The following FLII variants were observed in gnomAD, a reference collection of about 807,000 sequenced individuals.
FLII encodes FLII actin remodeling protein, also known as protein flightless-1 homolog.
In FLII, 101 loss-of-function variants were observed where a neutral mutation model predicts 156.2. The ratio of observed to expected loss-of-function variants is 0.65; its 90% CI spans 0.55 to 0.76. The LOEUF (loss-of-function observed/expected upper bound fraction) is 0.76. Ranked by LOEUF, FLII falls within the 30% of genes least tolerant of loss-of-function variation. The probability of loss-of-function intolerance (pLI) is 0.00; values close to 1 mark genes in which losing one functional copy is unlikely to be tolerated. For synonymous variants in FLII, 767 were observed against 685.8 expected, an observed-to-expected ratio of 1.12 and a Z score of -1.85; for missense variants, 1,675 against 1,682.8, an observed-to-expected ratio of 1.00 and a Z score of 0.08.
intron 13 of FLII, 66 bp from the exon 14 acceptor site, chr17:18,251,083 C>T: frequency 6.5e-7 from 1 of 1,532,530 alleles, no homozygotes; most frequent in Non-Finnish European, 8.8e-7. Flanking sequence ...GGAGACGCCA[C>T]TCTGAACAGC....
Position 18,245,320 on chromosome 17 carries a change from A to G in FLII, c.3675+34T>C. ...TGGGTGATGACCCTGCCCTGCCCAC[A>G]GGCCCACCTCGGCCCTCCCTCCACC... On this transcript the variant is annotated intron_variant, in intron 29 of 29. Coordinates refer to ENST00000327031, the MANE Select transcript of FLII (RefSeq NM_002018.4). 3 of 1,613,956 alleles carry G rather than the reference A, an allele frequency of 1.9e-6. 1 individual carries two copies. The highest frequency in any genetic ancestry group is 4.5e-5 in the East Asian group (2 of 44,870).
At chr17:18,249,469 C>A in intron 14 of FLII, 61 bp from the exon 15 acceptor site, 1 of 1,312,540 alleles carries the variant, frequency 7.6e-7, no homozygotes, top group Non-Finnish European at 1.1e-6. Flanking sequence ...CCAACCACTG[C>A]CCCTCAGGTG....
At position 18,258,407 on chromosome 17, in the gene FLII, G is replaced by A; in HGVS notation, c.63+221C>T. ...GCCCCCGGCGGGACTCCGAGCCCAA[G>A]CGTCCGTCCCCGGCCTGCCCAGCCT... is the stretch of plus-strand genomic sequence containing the variant. On this transcript the variant is annotated intron_variant, in intron 1 of 29. Transcript: ENST00000327031. The surrounding 1 kb of genome is among the most constrained non-coding windows in gnomAD (Gnocchi z 4.2). 2 of 1,362,762 alleles carry A rather than the reference G, an allele frequency of 1.5e-6. No individual in the cohort carries two copies. Among genetic ancestry groups the A allele is most frequent in the Non-Finnish European group, 9.9e-7 (1 of 1,013,900 alleles). The allele number at this position is 1,362,762 out of a possible 1,614,324, so 84.4% of individuals were successfully genotyped here.
intron 2 of FLII, 21 bp downstream of exon 2, chr17:18,256,888 T>A: frequency 6.5e-7 from 1 of 1,541,118 alleles, no homozygotes; most frequent in Admixed American, 1.8e-5. Flanking sequence ...GACCCTCCCC[T>A]GCCCGCCCAA....
In FLII at chr17:18,253,356, C is replaced by A; in HGVS notation, c.958G>T (p.Glu320Ter). The A allele has an allele frequency of 6.2e-7, 1 of 1,613,966 alleles. No individual in the cohort carries two copies. Among genetic ancestry groups the A allele is most frequent in the Non-Finnish European group, 8.5e-7 (1 of 1,180,034 alleles). ...PSGIGKLTNLEEFMAANNNLE... is the reference protein window; with the variant it reads ...PSGIGKLTNL ...TTGTTGTTGGCAGCCATGAACTCTTCCAGGTTGGTGAGCTTGCCAATGCCT... is the reference window on the plus strand; with the variant it reads ...TTGTTGTTGGCAGCCATGAACTCTTACAGGTTGGTGAGCTTGCCAATGCCT... Residue 320 changes from glutamate to a stop codon, truncating the protein, a stop_gained, in exon 9 of 30, where the codon GAA (glutamate) becomes TAA (stop). Coordinates refer to ENST00000327031, the MANE Select transcript of FLII (RefSeq NM_002018.4). LOFTEE classifies it high-confidence loss of function.
Position 18,246,642 on chromosome 17 carries a change from G to A in FLII, c.3003C>T (p.Thr1001=). The change falls in exon 23 of 30, where the codon ACC becomes ACT. Residue 1001 remains threonine (T), a synonymous_variant. Coordinates refer to ENST00000327031, the MANE Select transcript of FLII (RefSeq NM_002018.4). The part of the protein sequence containing the change: ...EASNMGWLTF[T]FSLQKKFESL... Reference sequence around the variant, plus strand: ...TCTCGAACTTCTTTTGCAGGCTGAAGGTGAAGGTGAGCCAGCCCATATTGG... The same window carrying A: ...TCTCGAACTTCTTTTGCAGGCTGAAAGTGAAGGTGAGCCAGCCCATATTGG... 6.2e-7 allele frequency: 1 copy of A among 1,613,982 alleles called. No homozygotes were observed. Among genetic ancestry groups the A allele is most frequent in the Non-Finnish European group, 8.5e-7 (1 of 1,179,930 alleles).
chr17:18,252,852 T>C (rs1000845436), intron 9 of FLII, among the ~76,000 whole-genome samples: 3 of 152,134 alleles, frequency 2.0e-5, no homozygotes, highest in Admixed American at 6.5e-5. Context: ...GGGACTGTGG[T>C]CTTCATCCAC....
At chr17:18,251,895 C>A in intron 11 of FLII, 79 bp from the exon 12 acceptor site, 1 of 1,606,712 alleles carries the variant, frequency 6.2e-7, no homozygotes, top group Non-Finnish European at 8.5e-7. Flanking sequence ...GGGCCAACTC[C>A]ACCCACCAGG....
intron 1 of FLII, chr17:18,257,367 C>G: frequency 7.9e-6 from 2 of 252,652 alleles, no homozygotes; most frequent in Non-Finnish European, 1.5e-5. Flanking sequence ...GACTGGCTGC[C>G]TGGGGTGGGG....
intron 20 of FLII, 126 bp downstream of exon 20, chr17:18,247,531 G>A: frequency 9.2e-7 from 1 of 1,081,618 alleles, no homozygotes; most frequent in Non-Finnish European, 1.3e-6. Context: ...GCGGGGCCTG[G>A]GCAGAGTCAG....
intron 2 of FLII, 138 bp downstream of exon 2, chr17:18,256,771 G>T: frequency 1.3e-6 from 1 of 775,576 alleles, no homozygotes; most frequent in Non-Finnish European, 2.1e-6. Context: ...CCTGGACAGG[G>T]TGCCCACTCC....
chr17:18,247,601 G>C (rs956978151), intron 20 of FLII, 56 bp downstream of exon 20: 7 of 1,451,472 alleles, frequency 4.8e-6, no homozygotes, highest in Non-Finnish European at 6.4e-6. Context: ...ACAGGGGTCA[G>C]GGCATGTCAG....
chr17:18,259,010 A>G (rs985415656), upstream of FLII: 1 of 186,930 alleles, frequency 5.3e-6, no homozygotes, highest in East Asian at 1.4e-4. Flanking sequence ...GCGCTGCTGC[A>G]GCACATGAAG....
chr17:18,246,934 T>C lies in FLII; in HGVS notation c.2795A>G (p.Asp932Gly). 6.2e-7 allele frequency: 1 copy of C among 1,614,190 alleles called. No homozygotes were observed. Reference protein sequence around the residue: ...EEEFGHFYTQDCYVFLCRYWV... With the variant: ...EEEFGHFYTQGCYVFLCRYWV... Reference sequence around the variant, plus strand: ...GTACCTGCAGAGGAAGACGTAGCAGTCCTGCGTGTAGAAGTGGCCAAACTC... The same window carrying C: ...GTACCTGCAGAGGAAGACGTAGCAGCCCTGCGTGTAGAAGTGGCCAAACTC... Residue 932 changes from aspartate to glycine, a missense_variant, in exon 22 of 30, where the codon GAC becomes GGC. Around this residue, in one of 2 missense-constraint regions of FLII, gnomAD observed 1,332 missense variants for 1,269.3 expected, o/e 1.05. Coordinates refer to ENST00000327031, the MANE Select transcript of FLII (RefSeq NM_002018.4).
rs377602775 is a variant in FLII at position 18,253,639 on chromosome 17, T to C, written c.760A>G (p.Ser254Gly). Residue 254 changes from serine to glycine, a missense_variant, in exon 8 of 30, where the codon AGC becomes GGC. Coordinates refer to ENST00000327031, the MANE Select transcript of FLII (RefSeq NM_002018.4). The part of the protein sequence containing the change: ...TLPSLRRLNL[S>G]SNQITELSLC... ...GACAGCTCCGTGATCTGGTTGCTGC[T>C]GAGGTTGAGGCGGCGCAGGCTGGGG... 8 of 1,613,890 alleles carry C rather than the reference T, an allele frequency of 5.0e-6. No individual in the cohort carries two copies. In the African/African-American group the frequency reaches 8.0e-5, roughly 16 times the overall value.
Position 18,258,435 on chromosome 17 carries a change from G to T in FLII, c.63+193C>A. On this transcript the variant is annotated intron_variant, in intron 1 of 29. Transcript: ENST00000327031. This position sits in a 1 kb window ranked among gnomAD's most constrained non-coding sequence, Gnocchi z 4.2. ...TCCGTCCCCGGCCTGCCCAGCCTCG[G>T]TCTCCCCGTACAGGCACTGGGCGGA... is the stretch of plus-strand genomic sequence containing the variant. 6.7e-7 allele frequency: 1 copy of T among 1,484,070 alleles called. No individual in the cohort carries two copies. Among genetic ancestry groups the T allele is most frequent in the Non-Finnish European group, 9.0e-7 (1 of 1,115,368 alleles). 91.9% of individuals were successfully genotyped at this position (1,484,070 alleles called of 1,614,324 possible).
Position 18,253,956 on chromosome 17 carries a change from C to T in FLII, c.679+123G>A, listed in dbSNP as rs1422485430. The T allele has an allele frequency of 7.3e-6, 6 of 819,332 alleles. No individual in the cohort carries two copies. The African/African-American group carries it at 1.0e-4, about 14-fold the overall frequency. The allele number at this position is 819,332 out of a possible 1,614,324, so 50.8% of individuals were successfully genotyped here. A position where few individuals can be genotyped will look rare whatever the true frequency, so the allele number is the denominator to read the frequency against. ...ATCATAATCGCAAAAGTCACTGTAA[C>T]ATAACTCCAGCCTTTTCCCTCTGGG... is the stretch of plus-strand genomic sequence containing the variant. On this transcript the variant is annotated intron_variant, in intron 7 of 29. Transcript: ENST00000327031.
Position 18,245,074 on chromosome 17 carries a change from C to T in FLII, c.*64G>A. ...TGGTGTCACCTGAGTACATTCTTTG[C>T]TAGCAGACAGTGGATGAGGCCCCTT... On this transcript the variant is annotated 3_prime_UTR_variant, in exon 30 of 30. Coordinates refer to ENST00000327031, the MANE Select transcript of FLII (RefSeq NM_002018.4). The T allele has an allele frequency of 1.3e-6, 2 of 1,547,034 alleles. No individual in the cohort carries two copies. The highest frequency in any genetic ancestry group is 1.8e-6 in the Non-Finnish European group (2 of 1,138,192).
At chr17:18,253,927 C>T in intron 7 of FLII, 152 bp downstream of exon 7, 1 of 743,168 alleles carries the variant, frequency 1.3e-6, no homozygotes, top group East Asian at 2.7e-5. Flanking sequence ...AGTGTTAAGG[C>T]ATCATCATAA....
Sources: allele counts gnomAD v4.1 joint callset (sites outside exome capture counted in the v4.1 genomes callset), GRCh38; gene constraint gnomAD v4.1.1; regional missense constraint gnomAD v4.1.1; non-coding constraint Gnocchi (gnomAD v3.1); transcripts MANE v1.5; gene names NCBI Gene and HGNC (gene_info 2026-07-23, HGNC 2026-07-21).